Variants in SAMD12 observed in about 807,000 individuals in gnomAD.
SAMD12 encodes the protein sterile alpha motif domain containing 12, also known as sterile alpha motif domain-containing protein 12.
A neutral mutation model predicts 15.0 loss-of-function variants in SAMD12; 9 were observed. The ratio of observed to expected loss-of-function variants is 0.60; its 90% CI spans 0.36 to 1.05. The LOEUF (loss-of-function observed/expected upper bound fraction) is 1.05. Ranked by LOEUF, SAMD12 falls within the 50% of genes least tolerant of loss-of-function variation. SAMD12 has a pLI of 0.01. For synonymous variants in SAMD12, 86 were observed against 90.1 expected (o/e 0.96, Z 0.25); for missense variants, 230 against 234.2 (o/e 0.98, Z 0.12).
intron 2 of SAMD12, among the ~76,000 whole-genome samples, chr8:118,502,522 C>A (rs1484542390): frequency 2.6e-5 from 4 of 152,140 alleles, no homozygotes; most frequent in African/African-American, 9.7e-5. Flanking sequence ...ACAGGAAAAT[C>A]TTTTTTCTAA....
At chr8:118,266,269 G>C (rs1586400757) in intron 4 of SAMD12, among the ~76,000 whole-genome samples, 1 of 152,148 alleles carries the variant, frequency 6.6e-6, no homozygotes. Context: ...TGAAATTTGG[G>C]TGGGGACACA....
At chr8:118,503,718 C>A (rs997730742) in intron 2 of SAMD12, among the ~76,000 whole-genome samples, 2 of 152,194 alleles carry the variant, frequency 1.3e-5, no homozygotes, top group African/African-American at 4.8e-5. Flanking sequence ...TTGGGCTCTT[C>A]CTCCATCTCG....
chr8:118,490,409 T>A (rs1242515809), intron 2 of SAMD12, among the ~76,000 whole-genome samples: 1 of 152,182 alleles, frequency 6.6e-6, no homozygotes, highest in Non-Finnish European at 1.5e-5. Flanking sequence ...TTTTATCATC[T>A]TCATCCCTAA....
chr8:118,605,609 T>C (rs1045436529), intron 1 of SAMD12, among the ~76,000 whole-genome samples: 3 of 152,000 alleles, frequency 2.0e-5, no homozygotes, highest in African/African-American at 7.2e-5. Flanking sequence ...GCCTCAATTT[T>C]TTTCATCTAG....
intron 2 of SAMD12, among the ~76,000 whole-genome samples, chr8:118,550,954 G>A (rs915842862): frequency 7.3e-5 from 11 of 150,864 alleles, no homozygotes; most frequent in African/African-American, 2.5e-4. Context: ...AATGGTAAAG[G>A]GATCAATTCA....
chr8:118,141,587 C>A, the SAMD12 span, among the ~76,000 whole-genome samples: 3 of 152,134 alleles, frequency 2.0e-5, no homozygotes, highest in African/African-American at 4.8e-5. Context: ...GAAAACATAC[C>A]AGTATAGAAA....
At chr8:118,547,148 C>T (rs977931846) in intron 2 of SAMD12, among the ~76,000 whole-genome samples, 5 of 152,090 alleles carry the variant, frequency 3.3e-5, no homozygotes, top group African/African-American at 1.2e-4. Flanking sequence ...AAGATTAGTG[C>T]GAGCTTGCCA....
At chr8:118,171,728 ATTTT>A in the SAMD12 span, among the ~76,000 whole-genome samples, 30 of 136,164 alleles carry the variant, frequency 2.2e-4, no homozygotes, top group East Asian at 8.7e-4. Context: ...TGGGTACAGG[ATTTT>A]TTTTTTTTTT....
At chr8:118,166,623 C>T in the SAMD12 span, among the ~76,000 whole-genome samples, 1 of 152,134 alleles carries the variant, frequency 6.6e-6, no homozygotes, top group Admixed American at 6.6e-5. Context: ...GAATGATGCA[C>T]AAAGCTGTTA....
At chr8:118,512,946 T>C (rs1825127233) in intron 2 of SAMD12, among the ~76,000 whole-genome samples, 2 of 152,240 alleles carry the variant, frequency 1.3e-5, no homozygotes, top group African/African-American at 2.4e-5. Context: ...ATGTGAAAGA[T>C]GTTTTGTGCA....
chr8:118,156,848 TGGTCA>T, the SAMD12 span, among the ~76,000 whole-genome samples: 1 of 152,162 alleles, frequency 6.6e-6, no homozygotes, highest in Non-Finnish European at 1.5e-5. Flanking sequence ...AAACAGCCAT[TGGTCA>T]GATGCTCTTT....
chr8:118,464,364 G>T (rs1269856065), intron 2 of SAMD12, among the ~76,000 whole-genome samples: 1 of 152,172 alleles, frequency 6.6e-6, no homozygotes, highest in African/African-American at 2.4e-5. Flanking sequence ...GCCCACGACA[G>T]TTGGACCAGA....
At chr8:118,172,195 G>A in the SAMD12 span, among the ~76,000 whole-genome samples, 1 of 152,054 alleles carries the variant, frequency 6.6e-6, no homozygotes, top group Non-Finnish European at 1.5e-5. Context: ...CATGGCACAT[G>A]TATACATATG....
At chr8:118,415,982 G>A (rs561072051) in intron 3 of SAMD12, among the ~76,000 whole-genome samples, 19 of 152,228 alleles carry the variant, frequency 1.2e-4, no homozygotes, top group African/African-American at 3.6e-4. Context: ...TTTATCTAGC[G>A]TGGCTTTCCC....
chr8:118,502,006 C>G (rs76357622), intron 2 of SAMD12, among the ~76,000 whole-genome samples: 3 of 128,992 alleles, frequency 2.3e-5, no homozygotes, highest in South Asian at 4.9e-4. Flanking sequence ...GGCAACAGAG[C>G]GAGACTCCGT....
Position 118,436,078 on chromosome 8 carries a change from A to G in SAMD12, c.322+3754T>C, listed in dbSNP as rs190355928. 4.6e-5 allele frequency among the ~76,000 whole-genome samples: 7 copies of G among 152,322 alleles called. No homozygotes were observed. In the East Asian group the frequency reaches 1.3e-3, roughly 29 times the overall value. On this transcript the variant is annotated intron_variant, in intron 3 of 3. Coordinates refer to ENST00000314727, the MANE Select transcript of SAMD12 (RefSeq NM_207506.3). ...GTTATAAAATTGCTCCCTAGAATCAAAGAATTAGATAACCCAAAATGTTGT... is the reference window on the plus strand; with the variant it reads ...GTTATAAAATTGCTCCCTAGAATCAGAGAATTAGATAACCCAAAATGTTGT...
At chr8:118,515,185 ATTTT>A (rs55864364) in intron 2 of SAMD12, among the ~76,000 whole-genome samples, 24 of 103,310 alleles carry the variant, frequency 2.3e-4, no homozygotes, top group African/African-American at 7.4e-4. Context: ...CGCCCAGCTA[ATTTT>A]TTTTTTTTTT....
chr8:118,555,827 A>G (rs12550842), intron 2 of SAMD12, among the ~76,000 whole-genome samples: 57,060 of 152,066 alleles, frequency 0.38, 13,281 homozygotes, highest in Admixed American at 0.55. Flanking sequence ...CAACTCAACC[A>G]CAACCAATGA....
chr8:118,513,424 C>G (rs1825141851), intron 2 of SAMD12, among the ~76,000 whole-genome samples: 1 of 152,184 alleles, frequency 6.6e-6, no homozygotes, highest in Non-Finnish European at 1.5e-5. Context: ...AAGCTGTAAA[C>G]TTATAACTAC....
Sources: allele counts gnomAD v4.1 joint callset (sites outside exome capture counted in the v4.1 genomes callset), GRCh38; gene constraint gnomAD v4.1.1; transcripts MANE v1.5; gene names NCBI Gene and HGNC (gene_info 2026-07-23, HGNC 2026-07-21).